SLC25A13: variants seen among roughly 807,000 people sequenced by gnomAD.
The protein encoded by SLC25A13 is solute carrier family 25 member 13.
A neutral mutation model predicts 85.5 loss-of-function variants in SLC25A13; 70 were observed. The ratio of observed to expected loss-of-function variants is 0.82; its 90% CI spans 0.68 to 1.00. The LOEUF is 1.00. Ranked by LOEUF, SLC25A13 falls within the 50% of genes least tolerant of loss-of-function variation. The pLI is 0.00. For synonymous variants in SLC25A13, 259 were observed against 288.7 expected (o/e 0.90, Z 1.04); for missense variants, 765 against 819.8 (o/e 0.93, Z 0.82).
At chr7:96,162,687 A>G (rs1793558604) in intron 13 of SLC25A13, among the ~76,000 whole-genome samples, 1 of 152,198 alleles carries the variant, frequency 6.6e-6, no homozygotes, top group Admixed American at 6.5e-5. Context: ...ACATGAAGGG[A>G]ATTCTTGAGA....
intron 3 of SLC25A13, among the ~76,000 whole-genome samples, chr7:96,251,350 ACT>A (rs1797419096): frequency 6.6e-6 from 1 of 152,156 alleles, no homozygotes; most frequent in Admixed American, 6.5e-5. Flanking sequence ...TTTGGCTTTT[ACT>A]CTGAGTGAAA....
At chr7:96,193,329 C>T in intron 5 of SLC25A13, 146 bp from the exon 6 acceptor site, 1 of 931,850 alleles carries the variant, frequency 1.1e-6, no homozygotes, top group Non-Finnish European at 1.6e-6. Context: ...CACCACCAAG[C>T]TACTGTCTCC....
chr7:96,220,308 C>T (rs1404684154), intron 4 of SLC25A13, among the ~76,000 whole-genome samples: 1 of 152,194 alleles, frequency 6.6e-6, no homozygotes, highest in Non-Finnish European at 1.5e-5. Flanking sequence ...TTTAACCCTA[C>T]TTAAATGCTT....
At chr7:96,196,839 G>A (rs1014499675) in intron 5 of SLC25A13, among the ~76,000 whole-genome samples, 1 of 152,172 alleles carries the variant, frequency 6.6e-6, no homozygotes, top group Non-Finnish European at 1.5e-5. Flanking sequence ...TGTTTATGTC[G>A]TGACTGTTTC....
chr7:96,230,517 T>C (rs1796503617), intron 4 of SLC25A13, among the ~76,000 whole-genome samples: 1 of 152,204 alleles, frequency 6.6e-6, no homozygotes, highest in African/African-American at 2.4e-5. Context: ...AGGCTAAAAA[T>C]ACAAATGGAA....
At chr7:96,129,049 A>G (rs1791887748) in intron 15 of SLC25A13, among the ~76,000 whole-genome samples, 1 of 151,370 alleles carries the variant, frequency 6.6e-6, no homozygotes, top group South Asian at 2.1e-4. Context: ...GGAGAGGCCC[A>G]CATGACAAGG....
intron 3 of SLC25A13, among the ~76,000 whole-genome samples, chr7:96,274,109 C>G (rs1798351011): frequency 6.6e-6 from 1 of 152,108 alleles, no homozygotes; most frequent in South Asian, 2.1e-4. Context: ...ATCCAACAAT[C>G]CTCCAGAATA....
At chr7:96,312,370 G>A (rs925030013) in intron 1 of SLC25A13, among the ~76,000 whole-genome samples, 14 of 152,054 alleles carry the variant, frequency 9.2e-5, no homozygotes, top group South Asian at 2.1e-4. Flanking sequence ...AACAGTGTCC[G>A]GCTTTTACAA....
intron 5 of SLC25A13, among the ~76,000 whole-genome samples, chr7:96,194,559 T>C (rs1451210475): frequency 3.3e-5 from 5 of 151,730 alleles, no homozygotes; most frequent in Non-Finnish European, 7.4e-5. Context: ...TTAATTTTAG[T>C]GAGATAATGA....
At chr7:96,238,746 G>A (rs1172755333) in intron 3 of SLC25A13, among the ~76,000 whole-genome samples, 1 of 151,904 alleles carries the variant, frequency 6.6e-6, no homozygotes, top group Non-Finnish European at 1.5e-5. Context: ...CCACAGCCAC[G>A]CAGCCACACA....
intron 11 of SLC25A13, among the ~76,000 whole-genome samples, chr7:96,182,914 G>A (rs1416169478): frequency 6.6e-6 from 1 of 152,154 alleles, no homozygotes; most frequent in South Asian, 2.1e-4. Flanking sequence ...CTTGAGACTC[G>A]AGATTTCCCT....
At chr7:96,152,045 G>A (rs1793071113) in intron 13 of SLC25A13, among the ~76,000 whole-genome samples, 1 of 152,230 alleles carries the variant, frequency 6.6e-6, no homozygotes, top group South Asian at 2.1e-4. Context: ...CATGCAGCTA[G>A]GAAGGTGAAC....
intron 2 of SLC25A13, among the ~76,000 whole-genome samples, chr7:96,278,315 C>T (rs1798537260): frequency 1.3e-5 from 2 of 152,174 alleles, no homozygotes; most frequent in South Asian, 4.1e-4. Context: ...CACTGGTAGC[C>T]ATAGTGATGG....
chr7:96,161,375 T>G (rs1298386906), intron 13 of SLC25A13, among the ~76,000 whole-genome samples: 5 of 152,202 alleles, frequency 3.3e-5, no homozygotes, highest in Non-Finnish European at 7.3e-5. Flanking sequence ...TTGGAGTTAA[T>G]TCCTCTTTGC....
chr7:96,195,978 C>T (rs1274741981), intron 5 of SLC25A13, among the ~76,000 whole-genome samples: 2 of 152,204 alleles, frequency 1.3e-5, no homozygotes, highest in African/African-American at 4.8e-5. Flanking sequence ...GACAGTATAA[C>T]CTTTTGAAGT....
intron 1 of SLC25A13, among the ~76,000 whole-genome samples, chr7:96,312,560 A>C (rs1292719706): frequency 6.6e-6 from 1 of 152,154 alleles, no homozygotes; most frequent in Non-Finnish European, 1.5e-5. Flanking sequence ...ATCCCTGAAG[A>C]CTTTGAGCTT....
chr7:96,222,121 T>C (rs1219250139), intron 4 of SLC25A13, among the ~76,000 whole-genome samples: 1 of 152,210 alleles, frequency 6.6e-6, no homozygotes, highest in Non-Finnish European at 1.5e-5. Context: ...TTTATGATTC[T>C]CTCTTAGGAG....
At chr7:96,232,204 C>T (rs1326581767) in intron 4 of SLC25A13, among the ~76,000 whole-genome samples, 1 of 151,908 alleles carries the variant, frequency 6.6e-6, no homozygotes, top group African/African-American at 2.4e-5. Flanking sequence ...TAATGATAGA[C>T]TGGATAAAGA....
chr7:96,251,016 A>C (rs1797402520), intron 3 of SLC25A13, among the ~76,000 whole-genome samples: 1 of 152,128 alleles, frequency 6.6e-6, no homozygotes, highest in African/African-American at 2.4e-5. Context: ...GCTTTCGTGG[A>C]GCTTACAGTC....
Sources: allele counts gnomAD v4.1 joint callset (sites outside exome capture counted in the v4.1 genomes callset), GRCh38; gene constraint gnomAD v4.1.1; transcripts MANE v1.5; gene names NCBI Gene and HGNC (gene_info 2026-07-23, HGNC 2026-07-21).